Variants in HSD17B12 observed in about 807,000 individuals in gnomAD.
The protein encoded by HSD17B12 is very-long-chain 3-oxoacyl-CoA reductase.
Under a neutral mutation model 39.3 loss-of-function variants are expected in HSD17B12, and 32 were observed. The ratio of observed to expected loss-of-function variants is 0.81; its 90% CI spans 0.61 to 1.09. HSD17B12 has a LOEUF of 1.09. Among genes scored for constraint, HSD17B12 ranks in the 50% least tolerant of loss-of-function variants. HSD17B12 has a pLI of 0.00. For missense variants in HSD17B12, 342 were observed against 382.9 expected (o/e 0.89, Z 0.89); for synonymous variants, 150 against 146.7 (o/e 1.02, Z -0.16).
At chr11:43,775,863 G>GT (rs1359233551) in intron 3 of HSD17B12, among the ~76,000 whole-genome samples, 1 of 150,518 alleles carries the variant, frequency 6.6e-6, no homozygotes, top group East Asian at 2.0e-4. Flanking sequence ...GCGGTGTTTG[G>GT]TTTTTTGTTC....
intron 1 of HSD17B12, among the ~76,000 whole-genome samples, chr11:43,741,695 AATT>A (rs1213700879): frequency 2.0e-5 from 3 of 151,824 alleles, no homozygotes; most frequent in African/African-American, 7.2e-5. Context: ...AAAAATAAAA[AATT>A]ATTGAACTTA....
the HSD17B12 span, among the ~76,000 whole-genome samples, chr11:43,658,186 A>G: frequency 6.6e-6 from 1 of 152,114 alleles, no homozygotes; most frequent in Non-Finnish European, 1.5e-5. Flanking sequence ...AGTTGATCAC[A>G]TCAGTTACTG....
chr11:43,725,045 C>A (rs1242891699), intron 1 of HSD17B12, among the ~76,000 whole-genome samples: 2 of 152,080 alleles, frequency 1.3e-5, no homozygotes, highest in African/African-American at 4.8e-5. Flanking sequence ...TTAGTGGCTA[C>A]CATGGCTTGG....
chr11:43,745,225 A>T (rs533758535), intron 1 of HSD17B12, among the ~76,000 whole-genome samples: 1 of 152,338 alleles, frequency 6.6e-6, no homozygotes, highest in East Asian at 1.9e-4. Flanking sequence ...GTTTTATGGT[A>T]TGCTGGTTTT....
At chr11:43,669,428 G>A in the HSD17B12 span, among the ~76,000 whole-genome samples, 1 of 151,918 alleles carries the variant, frequency 6.6e-6, no homozygotes, top group African/African-American at 2.4e-5. Context: ...TTGGACCTGG[G>A]AGGCGGAGGT....
At chr11:43,829,189 C>T (rs540039362) in intron 6 of HSD17B12, among the ~76,000 whole-genome samples, 238 of 152,296 alleles carry the variant, frequency 1.6e-3, no homozygotes, top group African/African-American at 5.5e-3. Context: ...CAGGGGAGAA[C>T]TTGTGTCTTT....
the HSD17B12 span, among the ~76,000 whole-genome samples, chr11:43,580,301 T>A: frequency 7.1e-6 from 1 of 140,050 alleles, no homozygotes; most frequent in Admixed American, 7.9e-5. Context: ...CTCCCGTCGT[T>A]GTGGGGTCAG....
the HSD17B12 span, among the ~76,000 whole-genome samples, chr11:43,656,820 A>G: frequency 1.3e-5 from 2 of 152,172 alleles, no homozygotes; most frequent in Non-Finnish European, 2.9e-5. Context: ...TTTACTTCCA[A>G]CTATGTGGTC....
chr11:43,796,566 C>T lies in HSD17B12; in HGVS notation c.284-1754C>T, dbSNP rs530888280. On this transcript the variant is annotated intron_variant, in intron 3 of 10. Coordinates refer to ENST00000278353, the MANE Select transcript of HSD17B12 (RefSeq NM_016142.3). The stretch of plus-strand genomic sequence containing the variant: ...TGGTTCATTACTAAATAACATTCTT[C>T]GTGAAAGTGTCATTGAATCTTTTTA... Among the ~76,000 whole-genome samples the T allele has an allele frequency of 1.1e-3, 164 of 152,208 alleles. 1 individual carries two copies. In the South Asian group the frequency reaches 0.012, roughly 11 times the overall value.
At chr11:43,841,624 A>G (rs554506751) in intron 9 of HSD17B12, among the ~76,000 whole-genome samples, 1 of 152,344 alleles carries the variant, frequency 6.6e-6, no homozygotes, top group South Asian at 2.1e-4. Context: ...GAAAGCAAAT[A>G]TAGGAGTTTT....
chr11:43,823,596 T>C (rs1951203708), intron 6 of HSD17B12, among the ~76,000 whole-genome samples: 1 of 152,144 alleles, frequency 6.6e-6, no homozygotes, highest in Admixed American at 6.5e-5. Flanking sequence ...ATTGAGTCTC[T>C]CTTTCAGTTT....
chr11:43,684,345 A>T (rs1949777787), intron 1 of HSD17B12, among the ~76,000 whole-genome samples: 1 of 152,262 alleles, frequency 6.6e-6, no homozygotes, highest in African/African-American at 2.4e-5. Flanking sequence ...AAAGATTGAT[A>T]ACAAAGGTGG....
intron 3 of HSD17B12, among the ~76,000 whole-genome samples, chr11:43,789,701 C>A (rs1049479166): frequency 6.6e-6 from 1 of 152,154 alleles, no homozygotes; most frequent in Non-Finnish European, 1.5e-5. Flanking sequence ...GTAATCCCAG[C>A]ACTTTGGGAG....
intron 9 of HSD17B12, among the ~76,000 whole-genome samples, chr11:43,851,048 G>A (rs942463705): frequency 5.3e-5 from 8 of 152,156 alleles, no homozygotes; most frequent in Non-Finnish European, 1.2e-4. Context: ...GTGACAGAGC[G>A]AGGCTCCATC....
intron 1 of HSD17B12, among the ~76,000 whole-genome samples, chr11:43,745,351 AT>A (rs768933162): frequency 5.9e-5 from 9 of 152,208 alleles, no homozygotes; most frequent in Non-Finnish European, 1.2e-4. Flanking sequence ...GAGTGACTTT[AT>A]GTAGTTTCAT....
the HSD17B12 span, chr11:43,673,538 G>C: frequency 2.4e-5 from 3 of 124,052 alleles, no homozygotes; most frequent in African/African-American, 8.9e-5. Flanking sequence ...TGTTACCCAG[G>C]CTGGAGTTCA....
intron 6 of HSD17B12, among the ~76,000 whole-genome samples, chr11:43,828,203 C>T (rs373857413): frequency 1.4e-5 from 2 of 142,912 alleles, no homozygotes; most frequent in East Asian, 2.1e-4. Context: ...AGTGCAGTGG[C>T]GGGATCTCGG....
intron 7 of HSD17B12, among the ~76,000 whole-genome samples, chr11:43,835,436 A>G (rs1178436309): frequency 6.6e-6 from 1 of 152,194 alleles, no homozygotes; most frequent in Admixed American, 6.5e-5. Context: ...CTACACCAGT[A>G]TATTAGCTGT....
intron 1 of HSD17B12, among the ~76,000 whole-genome samples, chr11:43,719,902 G>A (rs1041462419): frequency 8.5e-5 from 13 of 152,218 alleles, no homozygotes; most frequent in African/African-American, 2.4e-4. Flanking sequence ...CTTTTAGTAC[G>A]ATAGTTTTCT....
Sources: allele counts gnomAD v4.1 joint callset (sites outside exome capture counted in the v4.1 genomes callset), GRCh38; gene constraint gnomAD v4.1.1; transcripts MANE v1.5; gene names NCBI Gene and HGNC (gene_info 2026-07-23, HGNC 2026-07-21).